KCNJ6: variants seen among roughly 807,000 people sequenced by gnomAD.
KCNJ6 encodes the protein potassium inwardly rectifying channel subfamily J member 6.
In KCNJ6, 9 loss-of-function variants were observed where a neutral mutation model predicts 34.2. The observed-to-expected ratio is 0.26, with a 90% CI of 0.16 to 0.46. KCNJ6 has a LOEUF of 0.46. Among genes scored for constraint, KCNJ6 ranks in the 20% least tolerant of loss-of-function variants. The pLI is 1.00. For synonymous variants in KCNJ6, 196 were observed against 207.1 expected, an observed-to-expected ratio of 0.95 and a Z score of 0.46; for missense variants, 236 against 531.3, an observed-to-expected ratio of 0.44 and a Z score of 5.46.
intron 2 of KCNJ6, among the ~76,000 whole-genome samples, chr21:37,774,232 A>G (rs2055131089): frequency 2.0e-5 from 3 of 152,308 alleles, no homozygotes; most frequent in Admixed American, 6.5e-5. Context: ...CCTCAGCTGT[A>G]AAATAACAAT....
intron 2 of KCNJ6, among the ~76,000 whole-genome samples, chr21:37,740,722 T>C (rs1403931344): frequency 1.3e-5 from 2 of 152,220 alleles, no homozygotes; most frequent in Non-Finnish European, 2.9e-5. Flanking sequence ...ACTCTTTTCA[T>C]TGACATTCTT....
chr21:37,720,706 T>TA (rs1324519827), intron 2 of KCNJ6, among the ~76,000 whole-genome samples: 1 of 149,142 alleles, frequency 6.7e-6, no homozygotes, highest in East Asian at 2.0e-4. Flanking sequence ...TCTTTTCTTT[T>TA]TTTTTTTTTT....
intron 2 of KCNJ6, among the ~76,000 whole-genome samples, chr21:37,764,670 G>A (rs2055082436): frequency 6.6e-6 from 1 of 152,224 alleles, no homozygotes; most frequent in South Asian, 2.1e-4. Context: ...AAGCCACCGA[G>A]CTTGGCCAGA....
chr21:37,653,129 T>G (rs1335338352), intron 3 of KCNJ6, among the ~76,000 whole-genome samples: 1 of 152,176 alleles, frequency 6.6e-6, no homozygotes, highest in Non-Finnish European at 1.5e-5. Flanking sequence ...TGGCTACTTC[T>G]AGGGCTGACA....
intron 2 of KCNJ6, among the ~76,000 whole-genome samples, chr21:37,754,009 A>T (rs1251425129): frequency 6.6e-6 from 1 of 152,220 alleles, no homozygotes; most frequent in African/African-American, 2.4e-5. Flanking sequence ...GAAATCAAAG[A>T]CAACATGCCT....
At chr21:37,791,825 C>A (rs1180424061) in intron 2 of KCNJ6, among the ~76,000 whole-genome samples, 2 of 152,052 alleles carry the variant, frequency 1.3e-5, no homozygotes, top group African/African-American at 4.8e-5. Flanking sequence ...TACATAGTTT[C>A]AGGGCACATG....
At chr21:37,879,713 AAGTGTGTGTG>A (rs2055696865) in intron 1 of KCNJ6, among the ~76,000 whole-genome samples, 1 of 97,234 alleles carries the variant, frequency 1.0e-5, no homozygotes, top group Non-Finnish European at 2.1e-5. Context: ...CCTTGAAATG[AAGTGTGTGTG>A]TGTGTGTGTG....
At chr21:37,711,210 C>T (rs1376940286) in intron 3 of KCNJ6, among the ~76,000 whole-genome samples, 1 of 152,238 alleles carries the variant, frequency 6.6e-6, no homozygotes, top group Non-Finnish European at 1.5e-5. Flanking sequence ...CACCACTCGC[C>T]TGCACCGGGC....
intron 3 of KCNJ6, among the ~76,000 whole-genome samples, chr21:37,687,869 T>TC (rs2054622547): frequency 1.3e-5 from 2 of 152,216 alleles, no homozygotes; most frequent in African/African-American, 4.8e-5. Flanking sequence ...AGTTCTTAGT[T>TC]GTATTCTAGA....
rs1171196948 is a variant in KCNJ6, at chr21:37,717,408, CCTTCTCA to C, written c.26-2284_26-2278del. Among the ~76,000 whole-genome samples, 53 of 150,966 alleles carry C rather than the reference CCTTCTCA, an allele frequency of 3.5e-4. No individual in the cohort carries two copies. The Middle Eastern group carries it at 0.01, about 29-fold the overall frequency. ...GTGTGGAGGGAGGCAGGGGCCATGTCCTTCTCACTGGAGATGGGGTGGGTGTATGGAT... is the reference window on the plus strand; with the variant it reads ...GTGTGGAGGGAGGCAGGGGCCATGTCCTGGAGATGGGGTGGGTGTATGGAT... On this transcript the variant is annotated intron_variant, in intron 2 of 3. Transcript: ENST00000609713.
At chr21:37,728,090 G>A (rs1258980568) in intron 2 of KCNJ6, among the ~76,000 whole-genome samples, 1 of 152,206 alleles carries the variant, frequency 6.6e-6, no homozygotes, top group African/African-American at 2.4e-5. Flanking sequence ...AACAAAATGT[G>A]TTCTATCCAT....
intron 2 of KCNJ6, among the ~76,000 whole-genome samples, chr21:37,722,876 G>A (rs545607037): frequency 5.3e-5 from 8 of 152,208 alleles, no homozygotes; most frequent in African/African-American, 1.4e-4. Context: ...ATCAGCCTTC[G>A]GAAAGAATAT....
Position 37,621,184 on chromosome 21 carries a change from A to G in KCNJ6, c.*3975T>C, listed in dbSNP as rs141706062. On this transcript the variant is annotated 3_prime_UTR_variant, in exon 4 of 4. Coordinates refer to ENST00000609713, the MANE Select transcript of KCNJ6 (RefSeq NM_002240.5). ...TCAACTACCTTCCTGACATTTTTAA[A>G]TCATACAGAGTATCACCCAAGTCAA... 1 of 152,232 alleles carries G rather than the reference A, an allele frequency of 6.6e-6. No homozygotes were observed. Among genetic ancestry groups the G allele is most frequent in the Non-Finnish European group, 1.5e-5 (1 of 68,040 alleles). The allele number at this position is 152,232 out of a possible 1,614,324, so 9.4% of individuals were successfully genotyped here.
rs749801967 is a variant in KCNJ6, at chr21:37,714,503, C to T, written c.654G>A (p.Leu218=). Residue 218 remains leucine, a synonymous_variant, in exon 3 of 4, where the codon CTG becomes CTA. Transcript: ENST00000609713. The surrounding 1 kb of genome is among the most constrained non-coding windows in gnomAD (Gnocchi z 5.9). The part of the protein sequence containing the change: ...HAVISMRDGK[L]CLMFRVGDLR... ...GGTCCCCTACCCGGAACATCAGGCA[C>T]AGTTTCCCATCCCGCATGGAGATCA... 8 of 1,614,186 alleles carry T rather than the reference C, an allele frequency of 5.0e-6. No homozygotes were observed. In the South Asian group the frequency reaches 8.8e-5, roughly 18 times the overall value.
chr21:37,907,862 T>C (rs992915210), intron 1 of KCNJ6, among the ~76,000 whole-genome samples: 11 of 152,248 alleles, frequency 7.2e-5, no homozygotes, highest in Non-Finnish European at 2.9e-5. Context: ...TATTCCCTTC[T>C]GCACATAGAT....
intron 1 of KCNJ6, among the ~76,000 whole-genome samples, chr21:37,876,600 T>G (rs1289086133): frequency 1.4e-5 from 2 of 141,142 alleles, no homozygotes; most frequent in African/African-American, 5.9e-5. Context: ...ATATTTTATA[T>G]ACAAAACAAA....
rs981961345 is a variant in KCNJ6, at chr21:37,828,835, G to A, written c.25+11823C>T. 3.9e-5 allele frequency among the ~76,000 whole-genome samples: 6 copies of A among 152,298 alleles called. No individual in the cohort carries two copies. The East Asian group carries it at 7.7e-4, about 20-fold the overall frequency. On this transcript the variant is annotated intron_variant, in intron 2 of 3. Coordinates refer to ENST00000609713, the MANE Select transcript of KCNJ6 (RefSeq NM_002240.5). ...TGGACTGTCCACGCTTCCCTGATGA[G>A]TTAGCCATCTACTCTGTACCCTCCA...
intron 2 of KCNJ6, among the ~76,000 whole-genome samples, chr21:37,813,475 G>C (rs771628163): frequency 2.0e-5 from 3 of 152,142 alleles, no homozygotes; most frequent in Admixed American, 6.5e-5. Flanking sequence ...AACAAAACTG[G>C]AGGAATCACA....
intron 1 of KCNJ6, among the ~76,000 whole-genome samples, chr21:37,848,817 C>G (rs1283091328): frequency 6.6e-6 from 1 of 152,134 alleles, no homozygotes; most frequent in Non-Finnish European, 1.5e-5. Context: ...AACAGTTGGA[C>G]CACATGGCTG....
Sources: allele counts gnomAD v4.1 joint callset (sites outside exome capture counted in the v4.1 genomes callset), GRCh38; gene constraint gnomAD v4.1.1; non-coding constraint Gnocchi (gnomAD v3.1); transcripts MANE v1.5; gene names NCBI Gene and HGNC (gene_info 2026-07-23, HGNC 2026-07-21).